SGCZ: variants seen among roughly 807,000 people sequenced by gnomAD.
SGCZ encodes the protein zeta-sarcoglycan.
A neutral mutation model predicts 41.3 loss-of-function variants in SGCZ; 40 were observed. The observed-to-expected ratio is 0.97, with a 90% CI of 0.75 to 1.26. SGCZ has a LOEUF of 1.26. SGCZ is among the 50% of genes most tolerant of loss of function. The pLI is 0.00. For missense variants in SGCZ, 552 were observed against 369.8 expected (o/e 1.49, Z -4.04); for synonymous variants, 206 against 137.5 (o/e 1.50, Z -3.49).
intron 1 of SGCZ, among the ~76,000 whole-genome samples, chr8:14,827,661 T>G (rs1269488635): frequency 6.6e-6 from 1 of 152,212 alleles, no homozygotes; most frequent in Admixed American, 6.5e-5. Flanking sequence ...ACAGACACTG[T>G]GTGCCCTGCA....
Position 15,237,721 on chromosome 8 carries a change from C to A in SGCZ, c.-98G>T. 7.5e-7 allele frequency: 1 copy of A among 1,341,302 alleles called. No individual in the cohort carries two copies. Among genetic ancestry groups the A allele is most frequent in the Non-Finnish European group, 1.0e-6 (1 of 959,082 alleles). 83.1% of individuals were successfully genotyped at this position (1,341,302 alleles called of 1,614,324 possible). On this transcript the variant is annotated 5_prime_UTR_variant, in exon 1 of 8. Coordinates refer to ENST00000382080, the MANE Select transcript of SGCZ (RefSeq NM_139167.4). ...AGCTTAAACTCAGCTTTATCCTCCT[C>A]CAAGCCCCGGCAGCTCCTCTCAGTC...
At chr8:14,216,410 C>T (rs1335386799) in intron 4 of SGCZ, among the ~76,000 whole-genome samples, 2 of 146,624 alleles carry the variant, frequency 1.4e-5, no homozygotes, top group Non-Finnish European at 3.0e-5. Context: ...ATGAGGCCAG[C>T]GTTACTCGGA....
At chr8:14,407,147 C>G (rs762238958) in intron 2 of SGCZ, among the ~76,000 whole-genome samples, 5 of 142,696 alleles carry the variant, frequency 3.5e-5, no homozygotes, top group Non-Finnish European at 7.5e-5. Context: ...GGGTACACTG[C>G]AACTTCCACC....
At chr8:14,757,770 A>G (rs1334562837) in intron 1 of SGCZ, among the ~76,000 whole-genome samples, 1 of 152,216 alleles carries the variant, frequency 6.6e-6, no homozygotes, top group Non-Finnish European at 1.5e-5. Flanking sequence ...CTTCCCAACA[A>G]GGGATGACAG....
At chr8:14,885,989 A>C (rs1479211605) in intron 1 of SGCZ, among the ~76,000 whole-genome samples, 1 of 22,784 alleles carries the variant, frequency 4.4e-5, no homozygotes, top group East Asian at 7.6e-4. Context: ...TTTATGTTAT[A>C]TATATATATA....
chr8:14,564,913 T>C (rs191428342), intron 1 of SGCZ, among the ~76,000 whole-genome samples: 9 of 152,290 alleles, frequency 5.9e-5, no homozygotes, highest in Admixed American at 2.6e-4. Flanking sequence ...AGCATAATGA[T>C]AGTCAAAATT....
At position 14,247,522 on chromosome 8, in the gene SGCZ, C is replaced by T. The variant is rs952443181; in HGVS notation, c.337-9843G>A. On this transcript the variant is annotated intron_variant, in intron 3 of 7. Coordinates refer to ENST00000382080, the MANE Select transcript of SGCZ (RefSeq NM_139167.4). ...CTTAGGAAACAAATGCTTCTAGACT[C>T]ATTATCCTAAAAGGGAATAGTACTA... Among the ~76,000 whole-genome samples, 14 of 152,306 alleles carry T rather than the reference C, an allele frequency of 9.2e-5. 1 individual carries two copies. The highest frequency in any genetic ancestry group is 9.2e-4 in the Admixed American group (14 of 15,298).
rs985582566 is a variant in SGCZ, at chr8:14,145,877, G to T, written c.547+18703C>A. Among the ~76,000 whole-genome samples the T allele has an allele frequency of 2.0e-5, 3 of 152,034 alleles. No homozygotes were observed. In the East Asian group the frequency reaches 5.8e-4, roughly 29 times the overall value. The stretch of plus-strand genomic sequence containing the variant: ...GGAGGAAGAATTAGCTCTAAGACAG[G>T]CTATTTGAAAATACACAGTCAGAGG... On this transcript the variant is annotated intron_variant, in intron 5 of 7. Coordinates refer to ENST00000382080, the MANE Select transcript of SGCZ (RefSeq NM_139167.4).
intron 5 of SGCZ, among the ~76,000 whole-genome samples, chr8:14,119,856 G>C (rs1401079231): frequency 6.6e-6 from 1 of 152,070 alleles, no homozygotes; most frequent in African/African-American, 2.4e-5. Context: ...TTATATGATG[G>C]ATTACATTTA....
At chr8:15,126,100 C>T (rs948405418) in intron 1 of SGCZ, among the ~76,000 whole-genome samples, 2 of 152,238 alleles carry the variant, frequency 1.3e-5, no homozygotes, top group Non-Finnish European at 2.9e-5. Flanking sequence ...GAGCCAAGAT[C>T]GTGTCATCGC....
At chr8:14,427,044 A>ATGAATGAATGAATGAATGAG (rs1799803011) in intron 2 of SGCZ, among the ~76,000 whole-genome samples, 1 of 141,856 alleles carries the variant, frequency 7.0e-6, no homozygotes, top group South Asian at 2.2e-4. Context: ...GAATGAATGA[A>ATGAATGAATGAATGAATGAG]TGAATGAATG....
chr8:14,687,418 C>T (rs36149309), intron 1 of SGCZ, among the ~76,000 whole-genome samples: 6,082 of 149,894 alleles, frequency 0.041, 180 homozygotes, highest in Non-Finnish European at 0.07. Flanking sequence ...TTGTTCAATT[C>T]CCACCTATGA....
chr8:14,877,656 C>T (rs78873433), intron 1 of SGCZ, among the ~76,000 whole-genome samples: 1 of 152,218 alleles, frequency 6.6e-6, no homozygotes, highest in African/African-American at 2.4e-5. Flanking sequence ...CAATAATTCT[C>T]CCTTTTACTG....
At chr8:14,483,632 T>C (rs1801594127) in intron 2 of SGCZ, among the ~76,000 whole-genome samples, 1 of 152,192 alleles carries the variant, frequency 6.6e-6, no homozygotes, top group Admixed American at 6.5e-5. Context: ...TTTGGCCATG[T>C]AAATTACGTT....
Position 14,519,628 on chromosome 8 carries a change from T to C in SGCZ, c.234+35104A>G, listed in dbSNP as rs116193443. On this transcript the variant is annotated intron_variant, in intron 2 of 7. Coordinates refer to ENST00000382080, the MANE Select transcript of SGCZ (RefSeq NM_139167.4). ...AGAATCAATGAAGAATGGAAGAATA[T>C]TTCCTGGCCTCTCTACCTTTCTTCG... is the stretch of plus-strand genomic sequence containing the variant. Among the ~76,000 whole-genome samples, 1,451 of 152,210 alleles carry C rather than the reference T, an allele frequency of 9.5e-3. 25 individuals carry two copies. The highest frequency in any genetic ancestry group is 0.034 in the African/African-American group (1,399 of 41,554).
intron 1 of SGCZ, among the ~76,000 whole-genome samples, chr8:14,670,830 T>C (rs1015849282): frequency 1.3e-5 from 2 of 152,208 alleles, no homozygotes; most frequent in African/African-American, 2.4e-5. Context: ...TTAGTTTGCA[T>C]AGATAGCAAA....
intron 1 of SGCZ, among the ~76,000 whole-genome samples, chr8:14,884,156 A>T (rs1462929965): frequency 6.6e-6 from 1 of 152,118 alleles, no homozygotes; most frequent in Non-Finnish European, 1.5e-5. Flanking sequence ...TGAATAAACA[A>T]TCACAACGTT....
At chr8:14,526,637 T>C (rs1290726849) in intron 2 of SGCZ, among the ~76,000 whole-genome samples, 2 of 152,146 alleles carry the variant, frequency 1.3e-5, no homozygotes, top group Non-Finnish European at 2.9e-5. Flanking sequence ...TTTCTTGATT[T>C]CTTATAATCT....
chr8:14,269,212 C>T (rs1799977604), intron 3 of SGCZ, among the ~76,000 whole-genome samples: 1 of 152,062 alleles, frequency 6.6e-6, no homozygotes, highest in Admixed American at 6.6e-5. Context: ...ACTTTCACAC[C>T]TCAAATATTT....
Sources: allele counts gnomAD v4.1 joint callset (sites outside exome capture counted in the v4.1 genomes callset), GRCh38; gene constraint gnomAD v4.1.1; transcripts MANE v1.5; gene names NCBI Gene and HGNC (gene_info 2026-07-23, HGNC 2026-07-21).